Variants in C7orf57 observed in about 807,000 individuals in gnomAD.
C7orf57 encodes the protein uncharacterized protein C7orf57.
A neutral mutation model predicts 39.0 loss-of-function variants in C7orf57; 33 were observed. The observed-to-expected ratio is 0.85, with a 90% CI of 0.64 to 1.13. The LOEUF (loss-of-function observed/expected upper bound fraction) is 1.13. Among genes scored for constraint, C7orf57 ranks in the 50% most tolerant of loss-of-function variants. The pLI, the probability that C7orf57 is intolerant of heterozygous loss-of-function variation, is 0.00. For missense variants in C7orf57, 346 were observed against 362.3 expected, an observed-to-expected ratio of 0.95 and a Z score of 0.37; for synonymous variants, 124 against 137.1, an observed-to-expected ratio of 0.90 and a Z score of 0.67.
intron 7 of C7orf57, among the ~76,000 whole-genome samples, 160 bp from the exon 8 acceptor site, chr7:48,054,435 G>T (rs887647871): frequency 6.8e-6 from 1 of 146,262 alleles, no homozygotes; most frequent in African/African-American, 2.5e-5. Flanking sequence ...AAAAAAAAAG[G>T]TTTGTTGCCC....
intron 2 of C7orf57, among the ~76,000 whole-genome samples, chr7:48,038,875 G>T (rs1208190209): frequency 6.6e-6 from 1 of 152,156 alleles, no homozygotes; most frequent in East Asian, 1.9e-4. Flanking sequence ...TGTGGGTGGG[G>T]GGTGGTTCCA....
intron 8 of C7orf57, among the ~76,000 whole-genome samples, chr7:48,057,909 G>GTA (rs1451447992): frequency 6.6e-6 from 1 of 151,892 alleles, no homozygotes; most frequent in Admixed American, 6.6e-5. Flanking sequence ...CTATTATGTA[G>GTA]TATATCACAT....
At chr7:48,057,797 C>T (rs765682421) in intron 8 of C7orf57, among the ~76,000 whole-genome samples, 6 of 152,024 alleles carry the variant, frequency 3.9e-5, no homozygotes, top group Non-Finnish European at 8.8e-5. Flanking sequence ...TTCCTCTATG[C>T]TTAATTTGTT....
At chr7:48,039,769 ACGTTCTGATAAG>A (rs1562622298) in intron 2 of C7orf57, among the ~76,000 whole-genome samples, 4 of 151,802 alleles carry the variant, frequency 2.6e-5, no homozygotes, top group Admixed American at 1.3e-4. Context: ...CTGTGACAGT[ACGTTCTGATAAG>A]TGGTATTGAA....
chr7:48,054,345 C>T (rs925317526), intron 7 of C7orf57, among the ~76,000 whole-genome samples: 4 of 136,366 alleles, frequency 2.9e-5, no homozygotes, highest in African/African-American at 8.4e-5. Flanking sequence ...ACCCAGGAGG[C>T]GGAGGTTGCG....
At chr7:48,036,018 C>A (rs368912341) in intron 1 of C7orf57, among the ~76,000 whole-genome samples, 190 bp from the exon 2 acceptor site, 14 of 151,998 alleles carry the variant, frequency 9.2e-5, no homozygotes, top group Non-Finnish European at 2.1e-4. Flanking sequence ...TGCTGTCTAC[C>A]CGGCGTGCGT....
intron 4 of C7orf57, among the ~76,000 whole-genome samples, chr7:48,044,560 G>T (rs533996529): frequency 3.9e-5 from 6 of 152,164 alleles, no homozygotes; most frequent in Admixed American, 6.5e-5. Flanking sequence ...AAAGGTGGGT[G>T]CGGTCGCCTT....
At chr7:48,051,689 CT>C (rs1790885413) in intron 6 of C7orf57, among the ~76,000 whole-genome samples, 1 of 133,014 alleles carries the variant, frequency 7.5e-6, no homozygotes. Flanking sequence ...CCTTCCTTCC[CT>C]TTCTTTCTTT....
intron 8 of C7orf57, among the ~76,000 whole-genome samples, chr7:48,055,466 T>G (rs1791090841): frequency 6.6e-6 from 1 of 152,192 alleles, no homozygotes; most frequent in South Asian, 2.1e-4. Context: ...TTTGTGGTGA[T>G]CACACTTAAA....
chr7:48,043,200 A>C (rs930256706), intron 3 of C7orf57, among the ~76,000 whole-genome samples: 3 of 152,158 alleles, frequency 2.0e-5, no homozygotes, highest in African/African-American at 7.2e-5. Context: ...GCTGGCCTGC[A>C]TAGATGCAGC....
intron 2 of C7orf57, among the ~76,000 whole-genome samples, chr7:48,037,261 T>C (rs1790403083): frequency 6.6e-6 from 1 of 152,326 alleles, no homozygotes; most frequent in South Asian, 2.1e-4. Flanking sequence ...TCTAGTGACC[T>C]TGTCTGTATG....
At chr7:48,042,070 T>C (rs146847598) in intron 3 of C7orf57, among the ~76,000 whole-genome samples, 1 of 152,360 alleles carries the variant, frequency 6.6e-6, no homozygotes, top group East Asian at 1.9e-4. Flanking sequence ...CAATAGAAAT[T>C]ACTGATCAGA....
In C7orf57 at chr7:48,051,872, TCTTTC is replaced by T. The variant is rs1562630411; in HGVS notation, c.606-827_606-823del. ...CTTTCTTTCTTTCTTTCTTTCTTTCTCTTTCTCTTTCTTTCTTTCCTTCCTTCCTT... is the reference window on the plus strand; with the variant it reads ...CTTTCTTTCTTTCTTTCTTTCTTTCTTCTTTCTTTCTTTCCTTCCTTCCTT... On this transcript the variant is annotated intron_variant, in intron 6 of 8. Transcript: ENST00000348904. Among the ~76,000 whole-genome samples, 83 of 42,418 alleles carry T rather than the reference TCTTTC, an allele frequency of 2.0e-3. 1 individual carries two copies. The highest frequency in any genetic ancestry group is 5.3e-3 in the African/African-American group (49 of 9,328). The allele number at this position is 42,418 out of a possible 152,430, so 27.8% of individuals were successfully genotyped here. A position where few individuals can be genotyped will look rare whatever the true frequency, so the allele number is the denominator to read the frequency against.
In C7orf57 at chr7:48,036,232, G is replaced by A; in HGVS notation, c.-77G>A. The A allele has an allele frequency of 3.4e-6, 5 of 1,482,498 alleles. No homozygotes were observed. Among genetic ancestry groups the A allele is most frequent in the Non-Finnish European group, 4.6e-6 (5 of 1,084,276 alleles). 91.8% of individuals were successfully genotyped at this position (1,482,498 alleles called of 1,614,324 possible). On this transcript the variant is annotated 5_prime_UTR_variant, in exon 2 of 9. Transcript: ENST00000348904. Reference sequence around the variant, plus strand: ...GCTGCAGCTCCTGGCAACTGGTCAAGCAGGCAGCGTCCAGCGCACCCGCGA... The same window carrying A: ...GCTGCAGCTCCTGGCAACTGGTCAAACAGGCAGCGTCCAGCGCACCCGCGA...
intron 8 of C7orf57, among the ~76,000 whole-genome samples, chr7:48,056,543 C>T (rs559341809): frequency 6.6e-6 from 1 of 152,144 alleles, no homozygotes; most frequent in South Asian, 2.1e-4. Context: ...AGGTTTTTCC[C>T]TATATTTTTT....
intron 3 of C7orf57, 55 bp downstream of exon 3, chr7:48,041,574 C>A (rs936434394): frequency 1.5e-6 from 2 of 1,353,820 alleles, no homozygotes; most frequent in African/African-American, 1.5e-5. Flanking sequence ...GTGAGGGGGG[C>A]GTTTGTTCCT....
intron 8 of C7orf57, among the ~76,000 whole-genome samples, chr7:48,059,038 C>A (rs75653543): frequency 0.042 from 6,365 of 152,290 alleles, 188 homozygotes; most frequent in Middle Eastern, 0.085. Flanking sequence ...AGAAGAGGAT[C>A]TGCTCTGCTT....
chr7:48,054,467 G>T (rs959272081), intron 7 of C7orf57, 128 bp from the exon 8 acceptor site: 19 of 489,870 alleles, frequency 3.9e-5, no homozygotes, highest in African/African-American at 2.6e-4. Flanking sequence ...ACAATGTCAA[G>T]AGTGTTTTAT....
intron 2 of C7orf57, 123 bp from the exon 3 acceptor site, chr7:48,041,211 T>A: frequency 1.2e-6 from 1 of 800,026 alleles, no homozygotes; most frequent in Non-Finnish European, 1.9e-6. Context: ...TCCTTGCTAA[T>A]GGGCTCTGTG....
Sources: gnomAD v4.1 joint callset for allele counts (sites outside exome capture counted in the v4.1 genomes callset) on GRCh38, gnomAD v4.1.1 for gene constraint, MANE v1.5 for transcripts, NCBI Gene and HGNC (gene_info 2026-07-23, HGNC 2026-07-21) for gene names.